The following THSD7A variants were observed in gnomAD, a reference collection of about 807,000 sequenced individuals.
THSD7A encodes thrombospondin type-1 domain-containing protein 7A.
Under a neutral mutation model 231.3 loss-of-function variants are expected in THSD7A, and 96 were observed. The ratio of observed to expected loss-of-function variants is 0.41; its 90% CI spans 0.35 to 0.49. THSD7A has a LOEUF of 0.49. THSD7A is among the 20% of genes least tolerant of loss of function. The pLI is 0.05. For missense variants in THSD7A, 2,290 were observed against 2,070.2 expected, an observed-to-expected ratio of 1.11 and a Z score of -2.06; for synonymous variants, 940 against 743.3, an observed-to-expected ratio of 1.26 and a Z score of -4.30.
intron 1 of THSD7A, among the ~76,000 whole-genome samples, chr7:11,641,169 A>T (rs1782066099): frequency 6.6e-6 from 1 of 152,140 alleles, no homozygotes; most frequent in Non-Finnish European, 1.5e-5. Context: ...AACATCACAT[A>T]CGTGTGTGTG....
At chr7:11,537,895 C>T (rs1284568126) in intron 6 of THSD7A, among the ~76,000 whole-genome samples, 2 of 152,176 alleles carry the variant, frequency 1.3e-5, no homozygotes, top group Admixed American at 6.5e-5. Flanking sequence ...AGGCCTTCTT[C>T]AGCATTACTA....
chr7:11,386,925 A>G (rs987840576), intron 23 of THSD7A, among the ~76,000 whole-genome samples: 2 of 152,218 alleles, frequency 1.3e-5, no homozygotes, highest in Admixed American at 6.5e-5. Context: ...AGTTTTCTGC[A>G]TATGGCTAGC....
At chr7:11,761,873 A>T (rs934663338) in intron 1 of THSD7A, among the ~76,000 whole-genome samples, 2 of 152,062 alleles carry the variant, frequency 1.3e-5, no homozygotes, top group African/African-American at 4.8e-5. Context: ...CATAGTACCC[A>T]ATAAGTAGTC....
chr7:11,667,260 G>T (rs1420182040), intron 1 of THSD7A, among the ~76,000 whole-genome samples: 1 of 152,016 alleles, frequency 6.6e-6, no homozygotes, highest in Non-Finnish European at 1.5e-5. Flanking sequence ...TTAAGCCTTT[G>T]TATCGTCATA....
At chr7:11,819,177 C>T (rs1329192321) in intron 1 of THSD7A, among the ~76,000 whole-genome samples, 1 of 152,114 alleles carries the variant, frequency 6.6e-6, no homozygotes, top group African/African-American at 2.4e-5. Flanking sequence ...ATACTAAAAG[C>T]ACCAAAAGTT....
At chr7:11,672,770 A>G (rs1211911170) in intron 1 of THSD7A, among the ~76,000 whole-genome samples, 1 of 152,160 alleles carries the variant, frequency 6.6e-6, no homozygotes, top group Admixed American at 6.5e-5. Context: ...AAATATGTGA[A>G]CTCTAGCTTT....
At chr7:11,445,955 A>C in intron 13 of THSD7A, 106 bp downstream of exon 13, 1 of 1,359,366 alleles carries the variant, frequency 7.4e-7, no homozygotes, top group African/African-American at 1.4e-5. Context: ...AGTTTAATTT[A>C]GAATATACGT....
chr7:11,786,210 A>C (rs1167934060), intron 1 of THSD7A, among the ~76,000 whole-genome samples: 1 of 152,086 alleles, frequency 6.6e-6, no homozygotes, highest in Non-Finnish European at 1.5e-5. Context: ...ACTATACGAA[A>C]ACCATCACTA....
chr7:11,379,917 A>G (rs1406965982), intron 24 of THSD7A, among the ~76,000 whole-genome samples: 1 of 152,188 alleles, frequency 6.6e-6, no homozygotes, highest in East Asian at 1.9e-4. Context: ...GAGCTAGCTC[A>G]GTGCCTGGTA....
chr7:11,648,134 T>C (rs1177012151), intron 1 of THSD7A, among the ~76,000 whole-genome samples: 1 of 152,114 alleles, frequency 6.6e-6, no homozygotes, highest in East Asian at 1.9e-4. Context: ...TGTAAGTCTG[T>C]ATTTTAGGCT....
At chr7:11,458,368 G>C (rs560570490) in intron 11 of THSD7A, among the ~76,000 whole-genome samples, 3 of 152,058 alleles carry the variant, frequency 2.0e-5, no homozygotes, top group African/African-American at 7.2e-5. Context: ...TCCACTTCAT[G>C]TTTCTATAGA....
chr7:11,421,264 T>G (rs1371683224), intron 16 of THSD7A, among the ~76,000 whole-genome samples: 1 of 152,180 alleles, frequency 6.6e-6, no homozygotes, highest in Non-Finnish European at 1.5e-5. Flanking sequence ...ATAGGGCAGA[T>G]TTTCCCCTTG....
At chr7:11,447,557 A>C (rs1050987336) in intron 11 of THSD7A, 133 bp from the exon 12 acceptor site, 4 of 687,426 alleles carry the variant, frequency 5.8e-6, no homozygotes, top group Non-Finnish European at 9.1e-6. Context: ...TAGAAATCTT[A>C]TAGGAGTGTT....
At chr7:11,715,644 A>G (rs1222027953) in intron 1 of THSD7A, among the ~76,000 whole-genome samples, 1 of 151,460 alleles carries the variant, frequency 6.6e-6, no homozygotes, top group Non-Finnish European at 1.5e-5. Flanking sequence ...TTTTGCTTAA[A>G]AAATGTCTAA....
At chr7:11,489,236 C>G (rs947853820) in intron 6 of THSD7A, among the ~76,000 whole-genome samples, 3 of 151,830 alleles carry the variant, frequency 2.0e-5, no homozygotes, top group African/African-American at 7.3e-5. Context: ...TGCTTTTCTG[C>G]AAAAGAAAAA....
Position 11,640,715 on chromosome 7 carries a change from A to G in THSD7A, c.191-3754T>C, listed in dbSNP as rs189493986. Among the ~76,000 whole-genome samples the G allele has an allele frequency of 2.2e-3, 338 of 152,232 alleles. 2 individuals carry two copies. The highest frequency in any genetic ancestry group is 7.6e-3 in the African/African-American group (315 of 41,554). On this transcript the variant is annotated intron_variant, in intron 1 of 27. Transcript: ENST00000423059. ...GTTAAAAGCATATATTTCTGCAATG[A>G]TTTTCAGCTACATATAAAAATATAA...
At chr7:11,745,900 T>C (rs890625810) in intron 1 of THSD7A, among the ~76,000 whole-genome samples, 2 of 152,140 alleles carry the variant, frequency 1.3e-5, no homozygotes, top group African/African-American at 2.4e-5. Context: ...CTTTGTTCTT[T>C]TGGCTTAGGA....
intron 1 of THSD7A, among the ~76,000 whole-genome samples, chr7:11,722,092 T>G (rs1003449093): frequency 6.6e-6 from 1 of 151,900 alleles, no homozygotes; most frequent in Non-Finnish European, 1.5e-5. Context: ...GCTGACACCA[T>G]GTTGTTTCTA....
At chr7:11,458,796 T>C (rs1030172502) in intron 11 of THSD7A, among the ~76,000 whole-genome samples, 1 of 152,184 alleles carries the variant, frequency 6.6e-6, no homozygotes, top group African/African-American at 2.4e-5. Context: ...AGGTTGCTGG[T>C]AATCACAGAC....
Sources: gnomAD v4.1 joint callset for allele counts (sites outside exome capture counted in the v4.1 genomes callset) on GRCh38, gnomAD v4.1.1 for gene constraint, MANE v1.5 for transcripts, NCBI Gene and HGNC (gene_info 2026-07-23, HGNC 2026-07-21) for gene names.